PDE7B: variants seen among roughly 807,000 people sequenced by gnomAD.
PDE7B encodes phosphodiesterase 7B, also known as 3',5'-cyclic-AMP phosphodiesterase 7B.
In PDE7B, 29 loss-of-function variants were observed where a neutral mutation model predicts 56.2. The observed-to-expected ratio is 0.52, with a 90% CI of 0.38 to 0.70. PDE7B has a LOEUF of 0.70. Ranked by LOEUF, PDE7B falls within the 30% of genes least tolerant of loss-of-function variation. The pLI, the probability that PDE7B is intolerant of heterozygous loss-of-function variation, is 0.00. For missense variants in PDE7B, 490 were observed against 565.0 expected, an observed-to-expected ratio of 0.87 and a Z score of 1.35; for synonymous variants, 197 against 196.9, an observed-to-expected ratio of 1.00 and a Z score of 0.00.
intron 2 of PDE7B, among the ~76,000 whole-genome samples, chr6:136,048,390 T>C (rs1447303602): frequency 6.6e-6 from 1 of 151,892 alleles, no homozygotes; most frequent in African/African-American, 2.4e-5. Flanking sequence ...GGCGTGGTGG[T>C]GGGTGCCTGT....
intron 2 of PDE7B, among the ~76,000 whole-genome samples, chr6:136,002,413 A>T (rs1410372028): frequency 6.6e-6 from 1 of 152,244 alleles, no homozygotes; most frequent in Non-Finnish European, 1.5e-5. Context: ...GAGAAATTGG[A>T]TAAAGAGTCA....
At position 136,192,207 on chromosome 6, in the gene PDE7B, CG is replaced by C. The variant is rs957077127; in HGVS notation, c.*368del. 4.0e-6 allele frequency: 1 copy of C among 249,808 alleles called. No homozygotes were observed. The highest frequency in any genetic ancestry group is 2.2e-5 in the African/African-American group (1 of 44,766). The allele number at this position is 249,808 out of a possible 1,614,324, so 15.5% of individuals were successfully genotyped here. A position where few individuals can be genotyped will look rare whatever the true frequency, so the allele number is the denominator to read the frequency against. On this transcript the variant is annotated 3_prime_UTR_variant, in exon 13 of 13. Coordinates refer to ENST00000308191, the MANE Select transcript of PDE7B (RefSeq NM_018945.4). ...AATTCCTAAGTCCGGAGCGTTTGAGCGTTTGCTATCTGACTGCTGATCTGCG... is the reference window on the plus strand; with the variant it reads ...AATTCCTAAGTCCGGAGCGTTTGAGCTTTGCTATCTGACTGCTGATCTGCG...
chr6:136,083,993 G>A (rs1014059723), intron 2 of PDE7B, among the ~76,000 whole-genome samples: 23 of 152,142 alleles, frequency 1.5e-4, no homozygotes, highest in African/African-American at 5.1e-4. Context: ...ATGTAAGAGT[G>A]AGTCATCCTT....
chr6:136,182,941 C>T lies in PDE7B; in HGVS notation c.1045+1618C>T, dbSNP rs561043125. Among the ~76,000 whole-genome samples the T allele has an allele frequency of 2.6e-5, 4 of 152,020 alleles. No homozygotes were observed. In the East Asian group the frequency reaches 7.8e-4, roughly 30 times the overall value. On this transcript the variant is annotated intron_variant, in intron 11 of 12. Coordinates refer to ENST00000308191, the MANE Select transcript of PDE7B (RefSeq NM_018945.4). ...TACAAAAATCAGCCGGGCGTGGCGG[C>T]ACAACCTGTAGTCCCAGCTACTCGG...
chr6:135,865,009 C>CA (rs952738626), intron 1 of PDE7B, among the ~76,000 whole-genome samples: 1 of 140,190 alleles, frequency 7.1e-6, no homozygotes, highest in Non-Finnish European at 1.5e-5. Context: ...TCTCATTGTT[C>CA]AATTCCCACC....
chr6:136,018,663 T>C lies in PDE7B; in HGVS notation c.82+71139T>C, dbSNP rs368797162. Among the ~76,000 whole-genome samples, 21 of 152,310 alleles carry C rather than the reference T, an allele frequency of 1.4e-4. 1 individual carries two copies. Among genetic ancestry groups the C allele is most frequent in the Admixed American group, 5.2e-4 (8 of 15,288 alleles). On this transcript the variant is annotated intron_variant, in intron 2 of 12. Coordinates refer to ENST00000308191, the MANE Select transcript of PDE7B (RefSeq NM_018945.4). ...AAACTCTTAAATTACCGTTAAGAGG[T>C]CCAACAAAGTTTTTATGTTTTTTAA...
At chr6:136,066,098 T>A (rs1247380855) in intron 2 of PDE7B, among the ~76,000 whole-genome samples, 1 of 152,226 alleles carries the variant, frequency 6.6e-6, no homozygotes. Context: ...TTCCTTATTT[T>A]TAGCCAGTCT....
chr6:135,949,326 C>T (rs888414061), intron 2 of PDE7B, among the ~76,000 whole-genome samples: 2 of 152,032 alleles, frequency 1.3e-5, no homozygotes, highest in African/African-American at 4.8e-5. Flanking sequence ...AGACTTTCTA[C>T]TACTGCCTAT....
chr6:136,046,603 A>G (rs995629187), intron 2 of PDE7B, among the ~76,000 whole-genome samples: 95 of 152,314 alleles, frequency 6.2e-4, no homozygotes, highest in African/African-American at 2.1e-3. Context: ...TTCATGTGCC[A>G]CTGGGCTCTG....
chr6:136,034,494 G>A (rs548588368), intron 2 of PDE7B: 1 of 152,308 alleles, frequency 6.6e-6, no homozygotes, highest in African/African-American at 2.4e-5. Context: ...CACATTTTGA[G>A]TAACTTAGTG....
Position 136,069,070 on chromosome 6 carries a change from C to T in PDE7B, c.83-39661C>T, listed in dbSNP as rs183516255. On this transcript the variant is annotated intron_variant, in intron 2 of 12. Transcript: ENST00000308191. ...GGTATAATGAGGCATGTCCAACCACCCCTTCCCCTCATAGCCTGAACTAGT... is the reference window on the plus strand; with the variant it reads ...GGTATAATGAGGCATGTCCAACCACTCCTTCCCCTCATAGCCTGAACTAGT... Among the ~76,000 whole-genome samples the T allele has an allele frequency of 2.0e-5, 3 of 152,226 alleles. No individual in the cohort carries two copies. The East Asian group carries it at 5.8e-4, about 29-fold the overall frequency.
chr6:136,033,913 T>C (rs555373408), intron 2 of PDE7B: 7 of 152,034 alleles, frequency 4.6e-5, no homozygotes, highest in Non-Finnish European at 7.4e-5. Flanking sequence ...TGTTTACACA[T>C]CCATACTTGA....
chr6:135,945,313 C>G (rs902903627), intron 1 of PDE7B, among the ~76,000 whole-genome samples: 1 of 152,176 alleles, frequency 6.6e-6, no homozygotes, highest in South Asian at 2.1e-4. Flanking sequence ...AAATATGACA[C>G]GAGGTGAGCA....
chr6:135,958,388 A>G (rs1774838377), intron 2 of PDE7B, among the ~76,000 whole-genome samples: 1 of 152,174 alleles, frequency 6.6e-6, no homozygotes, highest in South Asian at 2.1e-4. Context: ...TTCCAGAGAC[A>G]ATGTCATTTT....
chr6:135,889,103 A>G (rs911023181), intron 1 of PDE7B, among the ~76,000 whole-genome samples: 6 of 152,170 alleles, frequency 3.9e-5, no homozygotes, highest in African/African-American at 1.4e-4. Context: ...GGTCATGCCC[A>G]GTTAATAGAT....
chr6:135,992,161 G>A (rs1377382069), intron 2 of PDE7B, among the ~76,000 whole-genome samples: 1 of 150,992 alleles, frequency 6.6e-6, no homozygotes, highest in Non-Finnish European at 1.5e-5. Context: ...AAGAAGAATT[G>A]TCTTGGGCCA....
At chr6:136,158,199 A>G (rs897783399) in intron 8 of PDE7B, among the ~76,000 whole-genome samples, 7 of 152,148 alleles carry the variant, frequency 4.6e-5, no homozygotes, top group African/African-American at 1.7e-4. Context: ...TGAGACACAA[A>G]TGGGCTTTCA....
intron 1 of PDE7B, among the ~76,000 whole-genome samples, chr6:135,863,199 C>G (rs80080732): frequency 3.9e-5 from 6 of 151,932 alleles, no homozygotes; most frequent in Non-Finnish European, 5.9e-5. Flanking sequence ...TCTTTTGTAT[C>G]TTTATTGATT....
chr6:136,126,200 G>C (rs1220500005), intron 3 of PDE7B, among the ~76,000 whole-genome samples: 1 of 152,176 alleles, frequency 6.6e-6, no homozygotes, highest in East Asian at 1.9e-4. Flanking sequence ...ACTATCATAA[G>C]CAGTCTTGCC....
Sources: allele counts gnomAD v4.1 joint callset (sites outside exome capture counted in the v4.1 genomes callset), GRCh38; gene constraint gnomAD v4.1.1; transcripts MANE v1.5; gene names NCBI Gene and HGNC (gene_info 2026-07-23, HGNC 2026-07-21).